Variants in PLEC observed in about 807,000 individuals in gnomAD.
PLEC encodes the protein plectin, also known as hemidesmosomal protein 1.
Under a neutral mutation model 392.8 loss-of-function variants are expected in PLEC, and 216 were observed. The ratio of observed to expected loss-of-function variants is 0.55; its 90% CI spans 0.49 to 0.62. The LOEUF (loss-of-function observed/expected upper bound fraction) is 0.62, where lower values mean the gene tolerates loss of function less well. PLEC is among the 20% of genes least tolerant of loss of function. The pLI, the probability that PLEC is intolerant of heterozygous loss-of-function variation, is 0.00. For missense variants in PLEC, 6,863 were observed against 6,563.4 expected (o/e 1.05, Z -1.58); for synonymous variants, 3,621 against 2,980.6 (o/e 1.21, Z -7.00).
At chr8:143,975,844 C>G (rs1833642864), upstream of PLEC, among the ~76,000 whole-genome samples, 1 of 152,084 alleles carries the variant, frequency 6.6e-6, no homozygotes, top group Admixed American at 6.5e-5. This position sits in a 1 kb window ranked among gnomAD's most constrained non-coding sequence, Gnocchi z 9.9. Context: ...TACCTTCACT[C>G]AGATGCCGGC....
rs190791617 is a variant in PLEC at position 143,934,025 on chromosome 8, C to T, written c.1236G>A (p.Leu412=). 8.1e-4 allele frequency: 1,302 copies of T among 1,610,764 alleles called. 6 individuals carry two copies. In the African/African-American group the frequency reaches 0.015, roughly 19 times the overall value. ...QMEAGLCEEQ[L]NQADALLQSD... ...ACTGCAGCAGGGCGTCGGCCTGGTT[C>T]AGCTGCTCCTCACACAGCCCCGCCT... The change falls in exon 12 of 32, where the codon CTG becomes CTA. Residue 412 remains leucine, a synonymous_variant. Coordinates refer to ENST00000345136, the MANE Select transcript of PLEC (RefSeq NM_201384.3).
At chr8:143,934,118 C>A (rs559063704) in intron 11 of PLEC, 27 bp from the exon 12 acceptor site, 2 of 1,606,578 alleles carry the variant, frequency 1.2e-6, no homozygotes, top group Non-Finnish European at 8.5e-7. Flanking sequence ...GGGAAGGGGC[C>A]GCGTTGGCCG....
At chr8:143,935,439 A>G in intron 6 of PLEC, 126 bp from the exon 7 acceptor site, 1 of 732,922 alleles carries the variant, frequency 1.4e-6, no homozygotes, top group East Asian at 2.7e-5. Context: ...CTCACCCTGA[A>G]AAATACACTG....
At chr8:143,952,178 CCAAACA>C (rs1230413834), upstream of PLEC, among the ~76,000 whole-genome samples, 7 of 101,436 alleles carry the variant, frequency 6.9e-5, no homozygotes, top group African/African-American at 2.5e-4. Flanking sequence ...GGTGCAGGCT[CCAAACA>C]CACACACACA....
chr8:143,935,802 T>G (rs1554722669), intron 6 of PLEC, 46 bp downstream of exon 6: 3 of 1,601,540 alleles, frequency 1.9e-6, no homozygotes, highest in Non-Finnish European at 2.6e-6. Context: ...GGAGGCGCTG[T>G]GGGGGTGCCC....
intron 1 of PLEC, among the ~76,000 whole-genome samples, chr8:143,963,330 G>C (rs765093087): frequency 3.3e-5 from 5 of 152,220 alleles, no homozygotes; most frequent in African/African-American, 1.2e-4. Flanking sequence ...AGGGCCTTAG[G>C]CCTAGAGGCA....
intron 1 of PLEC, among the ~76,000 whole-genome samples, chr8:143,959,498 C>A (rs957718933): frequency 3.3e-5 from 5 of 152,218 alleles, no homozygotes; most frequent in South Asian, 4.1e-4. Flanking sequence ...GCCGCGCTAA[C>A]CTGACGCGGC....
upstream of PLEC, among the ~76,000 whole-genome samples, chr8:143,976,207 C>G (rs1002501987): frequency 6.6e-6 from 1 of 152,184 alleles, no homozygotes; most frequent in African/African-American, 2.4e-5. Flanking sequence ...ACACCGGCAC[C>G]GCGGACGCAA....
Position 143,931,917 on chromosome 8 carries a change from G to C in PLEC, c.2178+20C>G, listed in dbSNP as rs1554715855. On this transcript the variant is annotated intron_variant, in intron 18 of 31. Transcript: ENST00000345136. ...AAGGCTGCCGCTGAGCCACAGTGCG[G>C]AGGGGGCTCCGGTTCTCACCTGAAA... 4 of 1,591,678 alleles carry C rather than the reference G, an allele frequency of 2.5e-6. No homozygotes were observed. In the African/African-American group the frequency reaches 5.3e-5, roughly 21 times the overall value.
upstream of PLEC, among the ~76,000 whole-genome samples, chr8:143,952,370 G>A (rs529462559): frequency 6.3e-3 from 956 of 152,252 alleles, 12 homozygotes; most frequent in Non-Finnish European, 0.012. Flanking sequence ...GCAGGAAAAG[G>A]CCAGCCTCAG....
rs782218716 is a variant in PLEC at position 143,918,840 on chromosome 8, C to T, written c.10981G>A (p.Glu3661Lys). The T allele has an allele frequency of 2.2e-5, 36 of 1,612,944 alleles. No individual in the cohort carries two copies. In the Admixed American group the frequency reaches 3.3e-4, roughly 15 times the overall value. Residue 3661 changes from glutamate (E) to lysine (K), a missense_variant, in exon 32 of 32, where the codon GAG becomes AAG. Physicochemically the swap from Glu to Lys is moderately conservative, Grantham distance 56 (BLOSUM62 1). Coordinates refer to ENST00000345136, the MANE Select transcript of PLEC (RefSeq NM_201384.3). Reference protein sequence around the residue: ...DLFEARIISLETYNLLREGTR... With the variant: ...DLFEARIISLKTYNLLREGTR... ...CCCTCCCGGAGCAGGTTGTAGGTCT[C>T]GAGAGAGATGATCCGAGCCTCGAAC...
Position 143,917,528 on chromosome 8 carries a change from T to C in PLEC, c.12293A>G (p.Asn4098Ser). 1 of 1,613,748 alleles carries C rather than the reference T, an allele frequency of 6.2e-7. No homozygotes were observed. Among genetic ancestry groups the C allele is most frequent in the Non-Finnish European group, 8.5e-7 (1 of 1,179,964 alleles). ...KGFFDPNTEENLTYLQLMERC... is the reference protein window; with the variant it reads ...KGFFDPNTEESLTYLQLMERC... Reference sequence around the variant, plus strand: ...CTCCATCAGCTGCAGGTAGGTGAGGTTCTCCTCCGTGTTAGGGTCAAAGAA... The same window carrying C: ...CTCCATCAGCTGCAGGTAGGTGAGGCTCTCCTCCGTGTTAGGGTCAAAGAA... Residue 4098 changes from asparagine (N) to serine (S), a missense_variant, in exon 32 of 32, where the codon AAC (asparagine) becomes AGC (serine). Physicochemically the swap from Asn to Ser is conservative, Grantham distance 46. Coordinates refer to ENST00000345136, the MANE Select transcript of PLEC (RefSeq NM_201384.3).
intron 12 of PLEC, 83 bp from the exon 13 acceptor site, chr8:143,933,434 G>A: frequency 1.3e-6 from 2 of 1,551,024 alleles, no homozygotes; most frequent in East Asian, 4.5e-5. Context: ...GCCACCCTCA[G>A]CCGCTTCCTC....
chr8:143,944,169 A>T (rs1554730861), upstream of PLEC, among the ~76,000 whole-genome samples: 1 of 151,986 alleles, frequency 6.6e-6, no homozygotes, highest in African/African-American at 2.4e-5. Flanking sequence ...CTGACGCTCA[A>T]GGTTAGTTGG....
At chr8:143,970,793 G>A (rs533366205) in intron 1 of PLEC, among the ~76,000 whole-genome samples, 12 of 152,318 alleles carry the variant, frequency 7.9e-5, no homozygotes, top group Admixed American at 7.8e-4. Flanking sequence ...CCCATGGTGC[G>A]GCAGAACGGC....
At chr8:143,972,661 C>G (rs1356406486) in intron 1 of PLEC, among the ~76,000 whole-genome samples, 3 of 152,234 alleles carry the variant, frequency 2.0e-5, no homozygotes, top group Non-Finnish European at 4.4e-5. Context: ...CCTCTGCAGG[C>G]CGGCAGCCAA....
rs782818595 is a variant in PLEC at position 143,923,098 on chromosome 8, C to T, written c.6831G>A (p.Ala2277=). The change falls in exon 31 of 32, where the codon GCG becomes GCA. Residue 2277 remains alanine (A), a synonymous_variant. Coordinates refer to ENST00000345136, the MANE Select transcript of PLEC (RefSeq NM_201384.3). The stretch of plus-strand genomic sequence containing the variant: ...CCACACTCAGCCGCGCGGCCTCCTC[C>T]GCCACCTGCTTCATCTTCTCAGCCT... The part of the protein sequence containing the change: ...QEEAEKMKQV[A]EEAARLSVAA... 2.1e-5 allele frequency: 34 copies of T among 1,606,428 alleles called. No homozygotes were observed. Among genetic ancestry groups the T allele is most frequent in the African/African-American group, 6.7e-5 (5 of 74,932 alleles).
intron 25 of PLEC, 80 bp downstream of exon 25, chr8:143,929,013 TCCCTCCTGCA>T (rs1554710052): frequency 2.2e-5 from 27 of 1,216,758 alleles, no homozygotes; most frequent in East Asian, 1.0e-4. Flanking sequence ...CCCAACTCGT[TCCCTCCTGCA>T]CCCTCCTGCA....
chr8:143,929,603 C>T (rs782091852), intron 23 of PLEC, 32 bp from the exon 24 acceptor site: 1 of 1,611,118 alleles, frequency 6.2e-7, no homozygotes, highest in South Asian at 1.1e-5. Flanking sequence ...CTCCACCGCC[C>T]ACCTCGCACC....
Sources: allele counts gnomAD v4.1 joint callset (sites outside exome capture counted in the v4.1 genomes callset), GRCh38; gene constraint gnomAD v4.1.1; non-coding constraint Gnocchi (gnomAD v3.1); transcripts MANE v1.5; gene names NCBI Gene and HGNC (gene_info 2026-07-23, HGNC 2026-07-21).